PRKCA: variants seen among roughly 807,000 people sequenced by gnomAD.
PRKCA encodes protein kinase C alpha.
PRKCA carries 27 observed loss-of-function variants against 87.0 expected under a neutral mutation model. The ratio of observed to expected loss-of-function variants is 0.31; its 90% CI spans 0.23 to 0.43. The LOEUF (loss-of-function observed/expected upper bound fraction) is 0.43. Among genes scored for constraint, PRKCA ranks in the 20% least tolerant of loss-of-function variants. The pLI, the probability that PRKCA is intolerant of heterozygous loss-of-function variation, is 1.00. For synonymous variants in PRKCA, 329 were observed against 311.1 expected (o/e 1.06, Z -0.61); for missense variants, 518 against 852.3 (o/e 0.61, Z 4.88).
chr17:66,795,063 T>G (rs1164092047), intron 16 of PRKCA, among the ~76,000 whole-genome samples: 3 of 152,248 alleles, frequency 2.0e-5, no homozygotes, highest in Admixed American at 2.0e-4. Flanking sequence ...TATTTTTTTC[T>G]GAACCATTTG....
rs1909156581 is a variant in PRKCA at position 66,372,235 on chromosome 17, A to G, written c.205+66108A>G. 1.3e-5 allele frequency among the ~76,000 whole-genome samples: 2 copies of G among 152,220 alleles called. 1 individual carries two copies. Among genetic ancestry groups the G allele is most frequent in the South Asian group, 4.1e-4 (2 of 4,834 alleles). On this transcript the variant is annotated intron_variant, in intron 2 of 16. Coordinates refer to ENST00000413366, the MANE Select transcript of PRKCA (RefSeq NM_002737.3). ...TGTGAACCAGACTTGGAGAAACACTATTTTAGTCCAGCGTCTTGGATGCAT... is the reference window on the plus strand; with the variant it reads ...TGTGAACCAGACTTGGAGAAACACTGTTTTAGTCCAGCGTCTTGGATGCAT...
At chr17:66,758,904 T>A (rs936207424) in intron 13 of PRKCA, among the ~76,000 whole-genome samples, 1 of 152,114 alleles carries the variant, frequency 6.6e-6, no homozygotes, top group African/African-American at 2.4e-5. Flanking sequence ...CTAACATGAG[T>A]TTTTTTCAAA....
At chr17:66,669,924 CTT>C (rs1972132378) in intron 5 of PRKCA, among the ~76,000 whole-genome samples, 1 of 152,158 alleles carries the variant, frequency 6.6e-6, no homozygotes, top group Admixed American at 6.5e-5. Context: ...TTCTGGAAAA[CTT>C]TTAATTACAA....
At chr17:66,660,228 C>G (rs1213884770) in intron 5 of PRKCA, among the ~76,000 whole-genome samples, 1 of 152,194 alleles carries the variant, frequency 6.6e-6, no homozygotes, top group Admixed American at 6.5e-5. Flanking sequence ...CTGCTCCCCC[C>G]ATCCAAGGGC....
chr17:66,704,809 A>G (rs1973150068), intron 8 of PRKCA, among the ~76,000 whole-genome samples: 1 of 152,262 alleles, frequency 6.6e-6, no homozygotes, highest in South Asian at 2.1e-4. Flanking sequence ...ACTTAAATCA[A>G]CAAAGATGAG....
At chr17:66,708,867 A>T (rs1973251312) in intron 8 of PRKCA, among the ~76,000 whole-genome samples, 1 of 152,208 alleles carries the variant, frequency 6.6e-6, no homozygotes, top group Admixed American at 6.5e-5. Context: ...CTTGATGTGG[A>T]TTAAGATCGC....
At chr17:66,590,066 A>T (rs544594935) in intron 3 of PRKCA, among the ~76,000 whole-genome samples, 1 of 152,084 alleles carries the variant, frequency 6.6e-6, no homozygotes. Context: ...AGTTCCTAAC[A>T]GGCCATGGAC....
chr17:66,470,796 G>T (rs888896397), intron 2 of PRKCA, among the ~76,000 whole-genome samples: 1 of 152,188 alleles, frequency 6.6e-6, no homozygotes, highest in East Asian at 1.9e-4. Context: ...TTAACCACTT[G>T]AGTCAAAGAG....
At chr17:66,469,590 A>G (rs1598699121) in intron 2 of PRKCA, among the ~76,000 whole-genome samples, 1 of 152,182 alleles carries the variant, frequency 6.6e-6, no homozygotes, top group East Asian at 1.9e-4. Flanking sequence ...GTAGATTGGG[A>G]TTTACTAGCA....
intron 2 of PRKCA, among the ~76,000 whole-genome samples, chr17:66,342,758 C>T (rs1374858066): frequency 6.6e-6 from 1 of 152,128 alleles, no homozygotes; most frequent in African/African-American, 2.4e-5. Flanking sequence ...AAAATTGCTT[C>T]AGCTTTTTAA....
rs1304122177 is a variant in PRKCA at position 66,576,065 on chromosome 17, G to C, written c.289-65290G>C. ...GGAGGTGGAGGTTGCAGTGAGCCGA[G>C]ATTGTGCCACTGCACTCCAGCCTGG... On this transcript the variant is annotated intron_variant, in intron 3 of 16. Coordinates refer to ENST00000413366, the MANE Select transcript of PRKCA (RefSeq NM_002737.3). Among the ~76,000 whole-genome samples, 4 of 152,178 alleles carry C rather than the reference G, an allele frequency of 2.6e-5. No individual in the cohort carries two copies. The South Asian group carries it at 8.3e-4, about 32-fold the overall frequency.
At chr17:66,670,449 T>C (rs1487277250) in intron 5 of PRKCA, among the ~76,000 whole-genome samples, 1 of 152,198 alleles carries the variant, frequency 6.6e-6, no homozygotes, top group Non-Finnish European at 1.5e-5. Context: ...CTTCATACCC[T>C]TGGGGAGAGG....
intron 3 of PRKCA, among the ~76,000 whole-genome samples, chr17:66,561,843 T>C (rs1446166929): frequency 1.3e-5 from 2 of 151,740 alleles, no homozygotes; most frequent in African/African-American, 4.8e-5. Context: ...ATGAGGTACT[T>C]GGAATAGTCA....
chr17:66,405,576 A>G (rs553197801), intron 2 of PRKCA, among the ~76,000 whole-genome samples: 1 of 152,348 alleles, frequency 6.6e-6, no homozygotes, highest in Non-Finnish European at 1.5e-5. Flanking sequence ...ACCCTTGTGT[A>G]ATTGCTATTT....
At chr17:66,595,732 G>A (rs1038635514) in intron 3 of PRKCA, among the ~76,000 whole-genome samples, 2 of 152,064 alleles carry the variant, frequency 1.3e-5, no homozygotes, top group African/African-American at 2.4e-5. Context: ...GATTATAGGC[G>A]TGAGCCACCA....
intron 8 of PRKCA, among the ~76,000 whole-genome samples, chr17:66,729,780 C>CTTTTTTTTTTTTTTTTTTTTTTTTTTTTT (rs60247180): frequency 1.9e-5 from 2 of 105,104 alleles, no homozygotes; most frequent in African/African-American, 3.8e-5. Context: ...GCGAGTTATT[C>CTTTTTTTTTTTTTTTTTTTTTTTTTTTTT]TTTTTTTTTT....
rs537880793 is a variant in PRKCA at position 66,585,066 on chromosome 17, AG to A, written c.289-56281del. Among the ~76,000 whole-genome samples the A allele has an allele frequency of 3.2e-3, 194 of 60,184 alleles. 2 individuals carry two copies. The highest frequency in any genetic ancestry group is 0.014 in the African/African-American group (178 of 12,768). The allele number at this position is 60,184 out of a possible 152,430, so 39.5% of individuals were successfully genotyped here. ...CAGTTCCATGGTGAAATGCATGGGG[AG>A]GGGGGGGTGGTGGTTAATAGATGAG... On this transcript the variant is annotated intron_variant, in intron 3 of 16. Transcript: ENST00000413366.
At chr17:66,463,089 C>T (rs1346971878) in intron 2 of PRKCA, among the ~76,000 whole-genome samples, 1 of 150,262 alleles carries the variant, frequency 6.7e-6, no homozygotes, top group Non-Finnish European at 1.5e-5. Context: ...TGTTTACTCT[C>T]CTGTGGCAGC....
At position 66,302,825 on chromosome 17, in the gene PRKCA, G is replaced by A. The variant is rs748043705; in HGVS notation, c.-27G>A. 6.7e-7 allele frequency: 1 copy of A among 1,491,268 alleles called. No individual in the cohort carries two copies. The highest frequency in any genetic ancestry group is 1.5e-5 in the African/African-American group (1 of 68,124). The allele number at this position is 1,491,268 out of a possible 1,614,324, so 92.4% of individuals were successfully genotyped here. A position where few individuals can be genotyped will look rare whatever the true frequency, so the allele number is the denominator to read the frequency against. On this transcript the variant is annotated 5_prime_UTR_variant, in exon 1 of 17. Coordinates refer to ENST00000413366, the MANE Select transcript of PRKCA (RefSeq NM_002737.3). ...CCCTCCGCGGCCGCAGCTCCCCGGC[G>A]GAGGCAAGAGGTGGTTGGGGGGGAC...
Sources: gnomAD v4.1 joint callset for allele counts (sites outside exome capture counted in the v4.1 genomes callset) on GRCh38, gnomAD v4.1.1 for gene constraint, MANE v1.5 for transcripts, NCBI Gene and HGNC (gene_info 2026-07-23, HGNC 2026-07-21) for gene names.